Variants in SEC16B observed in about 807,000 individuals in gnomAD.
SEC16B encodes the protein SEC16 homolog B, endoplasmic reticulum export factor, also known as protein transport protein Sec16B.
Under a neutral mutation model 141.8 loss-of-function variants are expected in SEC16B, and 115 were observed. That is an observed-to-expected ratio of 0.81 (90% CI 0.70 to 0.95). The LOEUF (loss-of-function observed/expected upper bound fraction) is 0.95, where lower values mean the gene tolerates loss of function less well. Among genes scored for constraint, SEC16B ranks in the 40% least tolerant of loss-of-function variants. The probability of loss-of-function intolerance (pLI) is 0.00; values close to 1 mark genes in which losing one functional copy is unlikely to be tolerated. For missense variants in SEC16B, 1,291 were observed against 1,312.3 expected, an observed-to-expected ratio of 0.98 and a Z score of 0.25; for synonymous variants, 493 against 492.5, an observed-to-expected ratio of 1.00 and a Z score of -0.01.
chr1:177,983,864 T>C (rs1654523419), intron 1 of SEC16B, among the ~76,000 whole-genome samples: 1 of 152,186 alleles, frequency 6.6e-6, no homozygotes, highest in Admixed American at 6.5e-5. Flanking sequence ...CTGCCTAAAG[T>C]TTTTTAGTAA....
At chr1:177,939,824 A>G (rs2101916460) in intron 17 of SEC16B, 47 bp from the exon 18 acceptor site, 1 of 1,387,114 alleles carries the variant, frequency 7.2e-7, no homozygotes, top group East Asian at 2.5e-5. Context: ...CAAAGGAAAA[A>G]CAAGAACAGA....
chr1:177,953,673 T>C (rs1400748247), intron 11 of SEC16B, among the ~76,000 whole-genome samples: 1 of 152,212 alleles, frequency 6.6e-6, no homozygotes, highest in African/African-American at 2.4e-5. Flanking sequence ...TAGCTCATTC[T>C]GGTTTGGGCA....
chr1:177,971,747 A>G (rs574102871), upstream of SEC16B, among the ~76,000 whole-genome samples: 3 of 152,358 alleles, frequency 2.0e-5, no homozygotes, highest in South Asian at 6.2e-4. Flanking sequence ...ACCCAAGATC[A>G]CAAAGTTACC....
intron 22 of SEC16B, 53 bp from the exon 23 acceptor site, chr1:177,932,859 T>C (rs1313610984): frequency 1.3e-6 from 2 of 1,503,988 alleles, no homozygotes; most frequent in South Asian, 2.4e-5. Context: ...GTTAACAAAT[T>C]GATGCCCGCC....
At chr1:177,958,750 T>C in intron 9 of SEC16B, 90 bp downstream of exon 9, 1 of 1,467,680 alleles carries the variant, frequency 6.8e-7, no homozygotes, top group Non-Finnish European at 9.1e-7. Flanking sequence ...AATATTGCTT[T>C]TCATAATCAT....
At position 177,944,600 on chromosome 1, in the gene SEC16B, C is replaced by T; in HGVS notation, c.1842G>A (p.Gln614=). The part of the protein sequence containing the change: ...IQRTEIFEYC[Q]MLGRPKSFIP... ...TGAAGGATTTGGGGCGGCCCAGCAT[C>T]TGACAGTACTCGAAGATTTCCGTCC... The change falls in exon 15 of 26, where the codon CAG becomes CAA. Residue 614 remains glutamine, a synonymous_variant. Transcript: ENST00000308284. The T allele has an allele frequency of 6.2e-7, 1 of 1,613,946 alleles. No homozygotes were observed.
intron 1 of SEC16B, among the ~76,000 whole-genome samples, chr1:177,983,905 C>CA (rs1238826629): frequency 1.3e-5 from 2 of 152,300 alleles, no homozygotes; most frequent in African/African-American, 2.4e-5. Context: ...TGCACATTAA[C>CA]AATCCATTCC....
chr1:177,983,703 A>G (rs933661558), intron 1 of SEC16B, among the ~76,000 whole-genome samples: 8 of 152,186 alleles, frequency 5.3e-5, no homozygotes, highest in Admixed American at 2.0e-4. Flanking sequence ...CCACACCCCT[A>G]GCCATCTATA....
At chr1:177,966,206 G>A (rs1238434401) in intron 2 of SEC16B, among the ~76,000 whole-genome samples, 1 of 152,126 alleles carries the variant, frequency 6.6e-6, no homozygotes, top group Non-Finnish European at 1.5e-5. Flanking sequence ...AACAGGAGTA[G>A]AATTTTTATA....
chr1:177,978,474 A>G (rs1001048039), intron 1 of SEC16B, among the ~76,000 whole-genome samples: 1 of 152,108 alleles, frequency 6.6e-6, no homozygotes, highest in East Asian at 1.9e-4. Context: ...TGGGAGGCTG[A>G]GGCAGGAGGA....
At chr1:177,932,216 T>C (rs1168333752) in intron 24 of SEC16B, among the ~76,000 whole-genome samples, 2 of 152,176 alleles carry the variant, frequency 1.3e-5, no homozygotes, top group African/African-American at 2.4e-5. Flanking sequence ...GGAAAGAAGA[T>C]GGCCGGGCAC....
intron 1 of SEC16B, among the ~76,000 whole-genome samples, chr1:177,978,098 G>A (rs1171591777): frequency 6.6e-6 from 1 of 152,190 alleles, no homozygotes; most frequent in East Asian, 1.9e-4. Flanking sequence ...TATGGGAATT[G>A]AGAGCTCAGG....
chr1:177,968,118 A>G (rs1653702336), intron 1 of SEC16B, 79 bp from the exon 2 acceptor site: 2 of 840,140 alleles, frequency 2.4e-6, no homozygotes, highest in African/African-American at 3.4e-5. Flanking sequence ...TTTTGTGAAA[A>G]GAGCAGCTAT....
At chr1:177,942,740 A>G (rs756235556) in intron 15 of SEC16B, among the ~76,000 whole-genome samples, 1 of 151,920 alleles carries the variant, frequency 6.6e-6, no homozygotes, top group African/African-American at 2.4e-5. Context: ...GAGAAAAACA[A>G]GTAAGCGCTC....
chr1:177,968,849 A>G (rs1653755647), intron 1 of SEC16B, among the ~76,000 whole-genome samples: 1 of 152,190 alleles, frequency 6.6e-6, no homozygotes, highest in African/African-American at 2.4e-5. Flanking sequence ...AGAAGGCCAT[A>G]TCTCAGGATT....
rs1650260422 is a variant in SEC16B at position 177,929,555 on chromosome 1, G to A, written c.*303C>T. 2.7e-6 allele frequency: 1 copy of A among 367,054 alleles called. No homozygotes were observed. The highest frequency in any genetic ancestry group is 3.4e-5 in the South Asian group (1 of 29,058). The allele number at this position is 367,054 out of a possible 1,614,324, so 22.7% of individuals were successfully genotyped here. ...CTGTTAGGGCCCTAATTTCCCCAAG[G>A]CTCTCAAGCCACCACCATAAGTGCC... On this transcript the variant is annotated 3_prime_UTR_variant, in exon 26 of 26. Coordinates refer to ENST00000308284, the MANE Select transcript of SEC16B (RefSeq NM_033127.4).
chr1:177,945,590 C>T (rs57796890), intron 14 of SEC16B: 21,169 of 152,232 alleles, frequency 0.14, 1,567 homozygotes, highest in Middle Eastern at 0.18. Flanking sequence ...GCCTGGATTC[C>T]GAATCCAACT....
At chr1:177,980,214 C>G (rs1013992126) in intron 1 of SEC16B, among the ~76,000 whole-genome samples, 1 of 152,116 alleles carries the variant, frequency 6.6e-6, no homozygotes, top group Non-Finnish European at 1.5e-5. Flanking sequence ...TAGTGCTGAT[C>G]TAGATGTCAT....
chr1:177,941,876 C>T, intron 16 of SEC16B, 24 bp downstream of exon 16: 1 of 1,611,832 alleles, frequency 6.2e-7, no homozygotes, highest in East Asian at 2.2e-5. Context: ...AAAACAACTG[C>T]ACAGAACCCT....
Sources: gnomAD v4.1 joint callset for allele counts (sites outside exome capture counted in the v4.1 genomes callset) on GRCh38, gnomAD v4.1.1 for gene constraint, MANE v1.5 for transcripts, NCBI Gene and HGNC (gene_info 2026-07-23, HGNC 2026-07-21) for gene names.